Variants in UGT1A9 observed in about 807,000 individuals in gnomAD.
The protein encoded by UGT1A9 is UDP glucuronosyltransferase family 1 member A9, also known as UDP-glucuronosyltransferase 1A9.
UGT1A9 carries 35 observed loss-of-function variants against 45.0 expected under a neutral mutation model. That is an observed-to-expected ratio of 0.78 (90% CI 0.59 to 1.03). The LOEUF is 1.03. Ranked by LOEUF, UGT1A9 falls within the 50% of genes least tolerant of loss-of-function variation. The pLI, the probability that UGT1A9 is intolerant of heterozygous loss-of-function variation, is 0.00. For missense variants in UGT1A9, 687 were observed against 666.6 expected, an observed-to-expected ratio of 1.03 and a Z score of -0.34; for synonymous variants, 278 against 250.6, an observed-to-expected ratio of 1.11 and a Z score of -1.03.
chr2:233,698,597 G>A (rs966031058), intron 1 of UGT1A9, among the ~76,000 whole-genome samples: 17 of 152,070 alleles, frequency 1.1e-4, no homozygotes, highest in African/African-American at 3.1e-4. Context: ...CAAGAAATTC[G>A]GATTAATAAA....
At chr2:233,702,617 T>C (rs1345703688) in intron 1 of UGT1A9, among the ~76,000 whole-genome samples, 1 of 152,142 alleles carries the variant, frequency 6.6e-6, no homozygotes, top group African/African-American at 2.4e-5. Flanking sequence ...CCCCCCACAT[T>C]ATGAGATTGA....
chr2:233,720,446 C>A (rs2076860422), intron 1 of UGT1A9, among the ~76,000 whole-genome samples: 1 of 152,024 alleles, frequency 6.6e-6, no homozygotes, highest in African/African-American at 2.4e-5. Context: ...TCTATAAGCC[C>A]AGTGAAGCTG....
chr2:233,746,667 C>T (rs4663969), intron 1 of UGT1A9, among the ~76,000 whole-genome samples: 19 of 151,232 alleles, frequency 1.3e-4, no homozygotes, highest in Non-Finnish European at 2.4e-4. Flanking sequence ...GAGTTCCTAG[C>T]ATAGTAGGTA....
At chr2:233,685,552 CA>C (rs1192144986) in intron 1 of UGT1A9, among the ~76,000 whole-genome samples, 2 of 152,170 alleles carry the variant, frequency 1.3e-5, no homozygotes, top group African/African-American at 2.4e-5. Flanking sequence ...GTTTTTGATC[CA>C]AATTCAAATT....
chr2:233,766,944 A>T (rs1699286381), intron 1 of UGT1A9, 90 bp from the exon 2 acceptor site: 1 of 1,597,452 alleles, frequency 6.3e-7, no homozygotes, highest in Non-Finnish European at 8.5e-7. Context: ...TCATAGTCTT[A>T]AGAGGAAGAT....
chr2:233,681,837 A>G (rs2074541665), intron 1 of UGT1A9: 1 of 1,517,744 alleles, frequency 6.6e-7, no homozygotes, highest in African/African-American at 1.4e-5. Flanking sequence ...ATGAATAAGT[A>G]CACGCCTTCT....
intron 1 of UGT1A9, chr2:233,753,313 T>C (rs1338043588): frequency 2.0e-5 from 3 of 152,278 alleles, no homozygotes; most frequent in Non-Finnish European, 4.4e-5. Context: ...TGTGCCCCTG[T>C]GGGATGGTGC....
intron 1 of UGT1A9, among the ~76,000 whole-genome samples, chr2:233,725,051 G>A: frequency 6.8e-6 from 1 of 147,840 alleles, no homozygotes; most frequent in East Asian, 2.1e-4. Flanking sequence ...GTCAGGCGTG[G>A]CGGCGCGCGC....
At chr2:233,729,880 G>T in intron 1 of UGT1A9, 1 of 1,613,860 alleles carries the variant, frequency 6.2e-7, no homozygotes, top group Non-Finnish European at 8.5e-7. Flanking sequence ...TCTCAGTCAT[G>T]CATCTGTGTG....
intron 1 of UGT1A9, among the ~76,000 whole-genome samples, chr2:233,676,125 C>A (rs775805824): frequency 3.9e-5 from 6 of 152,174 alleles, no homozygotes; most frequent in South Asian, 2.1e-4. Flanking sequence ...AAGACCCACC[C>A]TGGGGTCCTT....
chr2:233,714,705 C>T (rs577508309), intron 1 of UGT1A9, among the ~76,000 whole-genome samples: 2 of 152,262 alleles, frequency 1.3e-5, no homozygotes, highest in South Asian at 2.1e-4. Context: ...AACTGTTTAA[C>T]GTAGCTTTTT....
chr2:233,748,538 A>C (rs879259422), intron 1 of UGT1A9, among the ~76,000 whole-genome samples: 4 of 151,868 alleles, frequency 2.6e-5, no homozygotes, highest in Admixed American at 2.6e-4. Context: ...AGGTGACCAC[A>C]GGAGACCTAA....
chr2:233,672,260 T>C lies in UGT1A9; in HGVS notation c.326T>C (p.Leu109Ser), dbSNP rs775577335. 8 of 1,614,196 alleles carry C rather than the reference T, an allele frequency of 5.0e-6. No homozygotes were observed. The highest frequency in any genetic ancestry group is 5.9e-6 in the Non-Finnish European group (7 of 1,180,016). Residue 109 changes from leucine (L) to serine (S), a missense_variant, in exon 1 of 5, where the codon TTA (leucine) becomes TCA (serine). Transcript: ENST00000354728. ...KAQVRSIYSLLMGSYNDIFDL... is the reference protein window; with the variant it reads ...KAQVRSIYSLSMGSYNDIFDL... ...CAAGTACGAAGTATATATTCTCTAT[T>C]AATGGGTTCATACAATGACATTTTT... is the stretch of plus-strand genomic sequence containing the variant.
At chr2:233,727,027 T>C (rs1038616426) in intron 1 of UGT1A9, among the ~76,000 whole-genome samples, 3 of 152,346 alleles carry the variant, frequency 2.0e-5, no homozygotes, top group African/African-American at 7.2e-5. Flanking sequence ...TTTTGTACCC[T>C]AAGGAATCTT....
At chr2:233,719,293 G>C (rs149433426) in intron 1 of UGT1A9, 125 of 1,613,828 alleles carry the variant, frequency 7.7e-5, no homozygotes, top group African/African-American at 2.0e-4. Context: ...AACCTCTGTG[G>C]GGCGGTGCTG....
At chr2:233,689,828 C>CT in intron 1 of UGT1A9, 1 of 451,876 alleles carries the variant, frequency 2.2e-6, no homozygotes, top group Non-Finnish European at 4.4e-6. Context: ...TCTCTGGACT[C>CT]TAACTTTCTT....
chr2:233,736,183 A>G (rs2078741283), intron 1 of UGT1A9, among the ~76,000 whole-genome samples: 2 of 152,176 alleles, frequency 1.3e-5, no homozygotes, highest in Non-Finnish European at 2.9e-5. Context: ...ACATAGTCCC[A>G]TATTTCTTCA....
chr2:233,747,973 T>C, intron 1 of UGT1A9: 1 of 1,613,528 alleles, frequency 6.2e-7, no homozygotes, highest in East Asian at 2.2e-5. Flanking sequence ...CATGCATCTG[T>C]GTGGCTGTTC....
intron 1 of UGT1A9, among the ~76,000 whole-genome samples, chr2:233,710,298 G>T (rs546531335): frequency 5.9e-5 from 9 of 152,282 alleles, no homozygotes; most frequent in African/African-American, 2.2e-4. Context: ...GGATTGTTGG[G>T]TTGCATGGTA....
Sources: gnomAD v4.1 joint callset for allele counts (sites outside exome capture counted in the v4.1 genomes callset) on GRCh38, gnomAD v4.1.1 for gene constraint, MANE v1.5 for transcripts, NCBI Gene and HGNC (gene_info 2026-07-23, HGNC 2026-07-21) for gene names.